CTNNBL1: variants seen among roughly 807,000 people sequenced by gnomAD.
CTNNBL1 encodes the protein beta-catenin-like protein 1.
Under a neutral mutation model 72.7 loss-of-function variants are expected in CTNNBL1, and 31 were observed. The observed-to-expected ratio is 0.43, with a 90% CI of 0.32 to 0.58. The LOEUF is 0.58. Ranked by LOEUF, CTNNBL1 falls within the 20% of genes least tolerant of loss-of-function variation. CTNNBL1 has a pLI of 0.08. For synonymous variants in CTNNBL1, 240 were observed against 267.3 expected (o/e 0.90, Z 1.00); for missense variants, 534 against 725.1 (o/e 0.74, Z 3.03).
intron 1 of CTNNBL1, among the ~76,000 whole-genome samples, chr20:37,725,149 C>T (rs1165738469): frequency 6.6e-6 from 1 of 152,102 alleles, no homozygotes; most frequent in East Asian, 1.9e-4. Context: ...TCAAGTGAGC[C>T]TCCTGCCTCT....
intron 15 of CTNNBL1, among the ~76,000 whole-genome samples, chr20:37,860,619 A>G (rs974488568): frequency 1.3e-5 from 2 of 152,242 alleles, no homozygotes; most frequent in African/African-American, 4.8e-5. Flanking sequence ...TTAAAAAAGC[A>G]AAACAAAAAA....
At chr20:37,699,995 ACT>A in intron 1 of CTNNBL1, among the ~76,000 whole-genome samples, 2 of 151,898 alleles carry the variant, frequency 1.3e-5, no homozygotes, top group Middle Eastern at 3.4e-3. Flanking sequence ...TAAGTACGCG[ACT>A]CTCTCTGAGG....
chr20:37,735,981 A>G (rs918142957), intron 2 of CTNNBL1, among the ~76,000 whole-genome samples: 32 of 152,254 alleles, frequency 2.1e-4, no homozygotes, highest in African/African-American at 7.2e-4. Context: ...AAGGAAACTG[A>G]AGATAAAACG....
At chr20:37,701,265 A>T (rs1287971701) in intron 1 of CTNNBL1, among the ~76,000 whole-genome samples, 1 of 152,150 alleles carries the variant, frequency 6.6e-6, no homozygotes, top group Non-Finnish European at 1.5e-5. Flanking sequence ...GTTCTTCTAC[A>T]ATTGGATGTT....
At chr20:37,851,774 T>G (rs1417491069) in intron 13 of CTNNBL1, among the ~76,000 whole-genome samples, 5 of 152,232 alleles carry the variant, frequency 3.3e-5, no homozygotes, top group Non-Finnish European at 7.3e-5. Context: ...GTGAAAGTGC[T>G]TAGCACGGTG....
intron 11 of CTNNBL1, among the ~76,000 whole-genome samples, chr20:37,838,088 G>A (rs918637685): frequency 2.0e-5 from 3 of 152,208 alleles, no homozygotes; most frequent in African/African-American, 4.8e-5. Flanking sequence ...TAAAGAGTAA[G>A]TCATGCAGAT....
chr20:37,856,533 G>A (rs1170193758), intron 13 of CTNNBL1, among the ~76,000 whole-genome samples: 1 of 152,082 alleles, frequency 6.6e-6, no homozygotes, highest in African/African-American at 2.4e-5. Context: ...GACCAGGAAG[G>A]GAACACAGGC....
intron 11 of CTNNBL1, among the ~76,000 whole-genome samples, chr20:37,817,621 G>A (rs2072071761): frequency 6.6e-6 from 1 of 152,134 alleles, no homozygotes. Flanking sequence ...CTATAACAGT[G>A]CTTCTTAACG....
At chr20:37,846,012 C>T (rs546309607) in intron 13 of CTNNBL1, among the ~76,000 whole-genome samples, 2 of 152,310 alleles carry the variant, frequency 1.3e-5, no homozygotes, top group South Asian at 4.1e-4. Flanking sequence ...AGAATCTAGT[C>T]ATTTGGCAAA....
At position 37,694,071 on chromosome 20, in the gene CTNNBL1, C is replaced by T. The variant is rs374343096; in HGVS notation, c.-52C>T. The T allele has an allele frequency of 3.0e-5, 47 of 1,586,880 alleles. No homozygotes were observed. Among genetic ancestry groups the T allele is most frequent in the African/African-American group, 2.2e-4 (16 of 73,716 alleles). On this transcript the variant is annotated 5_prime_UTR_variant, in exon 1 of 16. Coordinates refer to ENST00000361383, the MANE Select transcript of CTNNBL1 (RefSeq NM_030877.5). ...TGGCTGGAGCCGCGGCTGACGGGCC[C>T]GCGGTCTGGGCGTGAGTGCAGGGAA...
intron 1 of CTNNBL1, among the ~76,000 whole-genome samples, chr20:37,722,992 G>A (rs1003976384): frequency 2.6e-5 from 4 of 152,180 alleles, no homozygotes; most frequent in African/African-American, 9.7e-5. Flanking sequence ...TGCTAAATTG[G>A]AGATAGTTTG....
intron 3 of CTNNBL1, among the ~76,000 whole-genome samples, chr20:37,745,457 AG>A: frequency 6.6e-6 from 1 of 152,230 alleles, no homozygotes; most frequent in Non-Finnish European, 1.5e-5. Context: ...AATAGTAATG[AG>A]AACAAATACT....
chr20:37,782,505 C>T (rs1177375507), intron 10 of CTNNBL1, among the ~76,000 whole-genome samples: 1 of 152,080 alleles, frequency 6.6e-6, no homozygotes, highest in African/African-American at 2.4e-5. Context: ...TTTCCACCAC[C>T]ACAGTGAAGA....
chr20:37,834,102 C>T (rs2072234987), intron 11 of CTNNBL1, among the ~76,000 whole-genome samples: 1 of 152,118 alleles, frequency 6.6e-6, no homozygotes, highest in African/African-American at 2.4e-5. Flanking sequence ...TTGCTCCAGA[C>T]TGTGGTGAGC....
intron 10 of CTNNBL1, among the ~76,000 whole-genome samples, chr20:37,787,505 C>T (rs375622873): frequency 2.6e-5 from 4 of 151,928 alleles, no homozygotes; most frequent in South Asian, 2.1e-4. Context: ...CCACTACGCC[C>T]GGCTAATTTT....
At chr20:37,764,825 T>C (rs1261791846) in intron 5 of CTNNBL1, among the ~76,000 whole-genome samples, 1 of 152,230 alleles carries the variant, frequency 6.6e-6, no homozygotes, top group African/African-American at 2.4e-5. Flanking sequence ...TTGACCTGAC[T>C]TAAGATGGCA....
intron 15 of CTNNBL1, among the ~76,000 whole-genome samples, 199 bp downstream of exon 15, chr20:37,860,543 C>A (rs2072483100): frequency 6.6e-6 from 1 of 152,200 alleles, no homozygotes; most frequent in Non-Finnish European, 1.5e-5. Context: ...GCCTCTTACC[C>A]TCCAGTTCCA....
At chr20:37,815,010 G>C (rs904932126) in intron 11 of CTNNBL1, among the ~76,000 whole-genome samples, 5 of 151,862 alleles carry the variant, frequency 3.3e-5, no homozygotes, top group Admixed American at 2.6e-4. Context: ...AATCCTACTA[G>C]CCAGAGTTAA....
intron 1 of CTNNBL1, among the ~76,000 whole-genome samples, chr20:37,717,858 C>T (rs1381191936): frequency 6.6e-6 from 1 of 152,148 alleles, no homozygotes; most frequent in East Asian, 1.9e-4. Flanking sequence ...GCACATCTTG[C>T]ACCGCCCTTA....
Sources: gnomAD v4.1 joint callset for allele counts (sites outside exome capture counted in the v4.1 genomes callset) on GRCh38, gnomAD v4.1.1 for gene constraint, MANE v1.5 for transcripts, NCBI Gene and HGNC (gene_info 2026-07-23, HGNC 2026-07-21) for gene names.